NRXN3: variants seen among roughly 807,000 people sequenced by gnomAD.
The protein encoded by NRXN3 is neurexin 3.
A neutral mutation model predicts 137.6 loss-of-function variants in NRXN3; 32 were observed. That is an observed-to-expected ratio of 0.23 (90% CI 0.18 to 0.31). The LOEUF is 0.31. Among genes scored for constraint, NRXN3 ranks in the 10% least tolerant of loss-of-function variants. The pLI is 1.00. For missense variants in NRXN3, 1,574 were observed against 2,062.5 expected, an observed-to-expected ratio of 0.76 and a Z score of 4.59; for synonymous variants, 798 against 784.5, an observed-to-expected ratio of 1.02 and a Z score of -0.29.
chr14:78,995,253 G>T (rs1225271887), intron 15 of NRXN3, among the ~76,000 whole-genome samples: 2 of 152,120 alleles, frequency 1.3e-5, no homozygotes, highest in Non-Finnish European at 2.9e-5. Flanking sequence ...CTCAGATGAG[G>T]CCATTTAGAA....
chr14:78,936,504 C>T (rs948197724), intron 10 of NRXN3, among the ~76,000 whole-genome samples: 2 of 152,144 alleles, frequency 1.3e-5, no homozygotes, highest in African/African-American at 2.4e-5. Context: ...TGACAGAAAA[C>T]AGAACCCTGG....
chr14:79,380,146 CTTCTT>C (rs1361089231), intron 15 of NRXN3, among the ~76,000 whole-genome samples: 6 of 46,682 alleles, frequency 1.3e-4, no homozygotes, highest in Non-Finnish European at 2.0e-4. Flanking sequence ...AGATATACTT[CTTCTT>C]TTTTTTTTTT....
chr14:79,042,359 A>G (rs1222732211), intron 15 of NRXN3, among the ~76,000 whole-genome samples: 2 of 152,206 alleles, frequency 1.3e-5, no homozygotes, highest in Non-Finnish European at 2.9e-5. Context: ...GATAAAAAAC[A>G]TTGCATTTAT....
chr14:78,658,709 C>T (rs35173294), intron 6 of NRXN3, among the ~76,000 whole-genome samples: 2,612 of 152,270 alleles, frequency 0.017, 50 homozygotes, highest in Non-Finnish European at 0.025. Context: ...GTAAATGTAG[C>T]ATAGAACACA....
chr14:78,338,843 T>C (rs1221095968), intron 4 of NRXN3, among the ~76,000 whole-genome samples: 1 of 152,220 alleles, frequency 6.6e-6, no homozygotes, highest in Non-Finnish European at 1.5e-5. Context: ...TGAAAGGGCC[T>C]CTTCATTGTG....
chr14:78,947,543 T>TA (rs1444419373), intron 10 of NRXN3, among the ~76,000 whole-genome samples: 2 of 152,228 alleles, frequency 1.3e-5, no homozygotes, highest in Non-Finnish European at 2.9e-5. Context: ...TGAATAGACT[T>TA]ACGCTATTTA....
intron 4 of NRXN3, among the ~76,000 whole-genome samples, chr14:78,540,455 T>C (rs1174349838): frequency 2.5e-4 from 35 of 138,922 alleles, no homozygotes; most frequent in African/African-American, 8.9e-4. Context: ...TTTTTTTTGC[T>C]TTCCATTTGC....
At chr14:79,052,659 A>G (rs1245456301) in intron 15 of NRXN3, among the ~76,000 whole-genome samples, 1 of 152,224 alleles carries the variant, frequency 6.6e-6, no homozygotes, top group Non-Finnish European at 1.5e-5. Flanking sequence ...AAGAGAATGC[A>G]TTCTCCCATA....
chr14:78,941,938 A>G (rs528748782), intron 10 of NRXN3, among the ~76,000 whole-genome samples: 1 of 152,156 alleles, frequency 6.6e-6, no homozygotes, highest in Non-Finnish European at 1.5e-5. Context: ...GGGTGTAGAG[A>G]GGAGGCACCA....
chr14:78,650,272 C>T (rs1264928593), intron 5 of NRXN3, among the ~76,000 whole-genome samples: 1 of 151,820 alleles, frequency 6.6e-6, no homozygotes, highest in Non-Finnish European at 1.5e-5. Context: ...TGTTTTTCTT[C>T]TGCCTTCTCT....
chr14:78,329,246 C>G (rs997554530), intron 4 of NRXN3, among the ~76,000 whole-genome samples: 5 of 152,098 alleles, frequency 3.3e-5, no homozygotes, highest in Non-Finnish European at 5.9e-5. Flanking sequence ...AGTTAAAATC[C>G]CACTTGCTGT....
chr14:79,842,663 T>G (rs1338241029), intron 20 of NRXN3, among the ~76,000 whole-genome samples: 4 of 152,020 alleles, frequency 2.6e-5, no homozygotes, highest in Admixed American at 2.6e-4. Flanking sequence ...TTCTATGAGA[T>G]ATATATATAT....
intron 15 of NRXN3, among the ~76,000 whole-genome samples, chr14:79,182,630 C>T (rs2063067039): frequency 6.6e-6 from 1 of 152,182 alleles, no homozygotes; most frequent in Admixed American, 6.5e-5. Flanking sequence ...CTGCTGCTCA[C>T]CTCCTGCTGT....
intron 4 of NRXN3, among the ~76,000 whole-genome samples, chr14:78,518,071 C>T (rs1382060268): frequency 1.3e-5 from 2 of 152,120 alleles, no homozygotes; most frequent in Non-Finnish European, 2.9e-5. Flanking sequence ...ACCTAGATAA[C>T]ATAGAAGATT....
At chr14:79,310,059 G>GT (rs1291996398) in intron 15 of NRXN3, among the ~76,000 whole-genome samples, 1 of 130,042 alleles carries the variant, frequency 7.7e-6, no homozygotes, top group Non-Finnish European at 1.5e-5. Context: ...GGTTTTTATG[G>GT]TTTTAGGTCT....
intron 8 of NRXN3, among the ~76,000 whole-genome samples, chr14:78,775,295 T>C (rs555112054): frequency 2.0e-5 from 3 of 152,296 alleles, no homozygotes. Flanking sequence ...TCAGCATCTA[T>C]ACAAGTTAGT....
At chr14:78,202,729 T>G (rs1253517003) in intron 1 of NRXN3, among the ~76,000 whole-genome samples, 1 of 152,144 alleles carries the variant, frequency 6.6e-6, no homozygotes, top group Non-Finnish European at 1.5e-5. Flanking sequence ...CCCTGCCAAC[T>G]GTTAAGAGTC....
At chr14:78,581,808 C>G (rs2097000747) in intron 4 of NRXN3, among the ~76,000 whole-genome samples, 1 of 152,148 alleles carries the variant, frequency 6.6e-6, no homozygotes, top group Non-Finnish European at 1.5e-5. Flanking sequence ...GGTTACTATA[C>G]AGCAGGAGGA....
At chr14:78,584,694 C>A (rs1486040645) in intron 4 of NRXN3, among the ~76,000 whole-genome samples, 1 of 152,208 alleles carries the variant, frequency 6.6e-6, no homozygotes, top group African/African-American at 2.4e-5. Flanking sequence ...TGTAACATAA[C>A]CTCCTTCTCC....
Sources: gnomAD v4.1 joint callset for allele counts (sites outside exome capture counted in the v4.1 genomes callset) on GRCh38, gnomAD v4.1.1 for gene constraint, MANE v1.5 for transcripts, NCBI Gene and HGNC (gene_info 2026-07-23, HGNC 2026-07-21) for gene names.